The following ELF1 variants were observed in gnomAD, a reference collection of about 807,000 sequenced individuals.
The protein encoded by ELF1 is ETS-related transcription factor Elf-1.
ELF1 carries 24 observed loss-of-function variants against 59.9 expected under a neutral mutation model. The observed-to-expected ratio is 0.40, with a 90% CI of 0.29 to 0.56. ELF1 has a LOEUF of 0.56. Ranked by LOEUF, ELF1 falls within the 20% of genes least tolerant of loss-of-function variation. ELF1 has a pLI of 0.44. For missense variants in ELF1, 627 were observed against 742.2 expected (o/e 0.84, Z 1.80); for synonymous variants, 248 against 266.2 (o/e 0.93, Z 0.67).
chr13:40,977,974 C>A (rs1873016830), intron 2 of ELF1, among the ~76,000 whole-genome samples: 1 of 152,182 alleles, frequency 6.6e-6, no homozygotes, highest in Non-Finnish European at 1.5e-5. Context: ...TGGTGAAGGG[C>A]TAACACCACT....
intron 1 of ELF1, among the ~76,000 whole-genome samples, chr13:41,010,287 A>G (rs2138360916): frequency 6.6e-6 from 1 of 151,736 alleles, no homozygotes; most frequent in Non-Finnish European, 1.5e-5. Context: ...AGGAAAAAAA[A>G]AAAAAACACA....
At chr13:40,943,819 C>T (rs770311903) in intron 6 of ELF1, 23 bp downstream of exon 6, 9 of 1,594,550 alleles carry the variant, frequency 5.6e-6, no homozygotes, top group Non-Finnish European at 8.6e-7. Context: ...GTTATTTGAC[C>T]TATAAGTATT....
At chr13:41,009,022 C>G (rs1258564741) in intron 1 of ELF1, among the ~76,000 whole-genome samples, 5 of 151,748 alleles carry the variant, frequency 3.3e-5, no homozygotes, top group Non-Finnish European at 2.9e-5. Context: ...CTCCTGGGCT[C>G]AAGCAATCCT....
chr13:41,022,077 ATG>A (rs1875711919), upstream of ELF1, among the ~76,000 whole-genome samples: 1 of 152,364 alleles, frequency 6.6e-6, no homozygotes, highest in East Asian at 1.9e-4. Flanking sequence ...AAATGAAGAT[ATG>A]TGTCTATTTT....
At chr13:40,975,409 T>C (rs1025392960) in intron 2 of ELF1, among the ~76,000 whole-genome samples, 1 of 152,142 alleles carries the variant, frequency 6.6e-6, no homozygotes, top group Non-Finnish European at 1.5e-5. Context: ...AATTTTAATA[T>C]ACAACAGAGT....
At chr13:40,972,319 C>T (rs997231989) in intron 2 of ELF1, among the ~76,000 whole-genome samples, 3 of 152,124 alleles carry the variant, frequency 2.0e-5, no homozygotes, top group African/African-American at 7.2e-5. Flanking sequence ...CAAACTATGT[C>T]GAAACAAATG....
At chr13:40,981,149 C>T (rs1873244602) in intron 2 of ELF1, among the ~76,000 whole-genome samples, 1 of 152,106 alleles carries the variant, frequency 6.6e-6, no homozygotes, top group South Asian at 2.1e-4. Flanking sequence ...GAGCATTAGG[C>T]TTATTTCAGT....
At chr13:40,981,728 C>T (rs1873282262) in intron 2 of ELF1, among the ~76,000 whole-genome samples, 1 of 152,092 alleles carries the variant, frequency 6.6e-6, no homozygotes, top group African/African-American at 2.4e-5. Context: ...TGTTAAGTCT[C>T]ATTTTACAAA....
upstream of ELF1, among the ~76,000 whole-genome samples, chr13:41,022,052 G>T (rs1467279674): frequency 1.3e-5 from 2 of 152,064 alleles, no homozygotes; most frequent in African/African-American, 2.4e-5. Context: ...CCATTCCTAG[G>T]CATTTACCCA....
At chr13:40,997,060 T>C (rs1292431831) in intron 1 of ELF1, among the ~76,000 whole-genome samples, 2 of 152,294 alleles carry the variant, frequency 1.3e-5, no homozygotes, top group Non-Finnish European at 2.9e-5. Context: ...GGATCCTCTT[T>C]CAAGTCACAG....
At chr13:41,050,258 G>A (rs956342218) in intron 1 of ELF1, among the ~76,000 whole-genome samples, 3 of 152,042 alleles carry the variant, frequency 2.0e-5, no homozygotes, top group Non-Finnish European at 2.9e-5. Flanking sequence ...GGTGAATCAT[G>A]CAGTATATCT....
At chr13:40,950,472 T>G (rs1490022809) in intron 4 of ELF1, among the ~76,000 whole-genome samples, 1 of 150,916 alleles carries the variant, frequency 6.6e-6, no homozygotes, top group Non-Finnish European at 1.5e-5. Context: ...CAAAACATCT[T>G]GATCTCAAAG....
intron 1 of ELF1, among the ~76,000 whole-genome samples, chr13:41,001,177 A>T (rs988441216): frequency 2.6e-5 from 4 of 152,152 alleles, no homozygotes; most frequent in African/African-American, 9.6e-5. Flanking sequence ...GGGTTTCACC[A>T]TGTTGGCCAG....
intron 1 of ELF1, among the ~76,000 whole-genome samples, chr13:41,056,938 T>C (rs542738258): frequency 6.6e-6 from 1 of 152,144 alleles, no homozygotes; most frequent in African/African-American, 2.4e-5. Context: ...AAGTTTGGCA[T>C]GGCAAAAAGG....
chr13:41,007,740 T>C (rs985264010), intron 1 of ELF1, among the ~76,000 whole-genome samples: 1 of 152,344 alleles, frequency 6.6e-6, no homozygotes, highest in African/African-American at 2.4e-5. Context: ...ATTTATTTAA[T>C]CAACCCCTAA....
At chr13:41,008,640 A>G (rs1286180630) in intron 1 of ELF1, among the ~76,000 whole-genome samples, 2 of 152,198 alleles carry the variant, frequency 1.3e-5, no homozygotes, top group Non-Finnish European at 2.9e-5. Context: ...CAGGGGACAA[A>G]AAGTTCATTC....
chr13:40,978,387 A>AC lies in ELF1; in HGVS notation c.72+3595dup, dbSNP rs71086530. Reference sequence around the variant, plus strand: ...GGCAAGACTCAGTCTCAAAAAAAAAACAAAAAAGAAAAGAAAATGTAAAGA... The same window carrying AC: ...GGCAAGACTCAGTCTCAAAAAAAAAACCAAAAAAGAAAAGAAAATGTAAAGA... On this transcript the variant is annotated intron_variant, in intron 2 of 8. Coordinates refer to ENST00000239882, the MANE Select transcript of ELF1 (RefSeq NM_172373.4). Among the ~76,000 whole-genome samples, 544 of 151,978 alleles carry AC rather than the reference A, an allele frequency of 3.6e-3. 12 individuals carry two copies. In the East Asian group the frequency reaches 0.079, roughly 22 times the overall value.
chr13:41,024,051 A>T (rs1325758033), upstream of ELF1, among the ~76,000 whole-genome samples: 1 of 152,222 alleles, frequency 6.6e-6, no homozygotes, highest in African/African-American at 2.4e-5. Flanking sequence ...TGGTATGATT[A>T]TATTCTTTAT....
chr13:41,059,672 T>G (rs1460337742), intron 1 of ELF1, among the ~76,000 whole-genome samples: 2 of 152,232 alleles, frequency 1.3e-5, no homozygotes, highest in Non-Finnish European at 2.9e-5. Context: ...AATTTCAGCT[T>G]GCATTTAAGA....
Sources: allele counts gnomAD v4.1 joint callset (sites outside exome capture counted in the v4.1 genomes callset), GRCh38; gene constraint gnomAD v4.1.1; transcripts MANE v1.5; gene names NCBI Gene and HGNC (gene_info 2026-07-23, HGNC 2026-07-21).